The following PHKA2 variants were observed in gnomAD, a reference collection of about 807,000 sequenced individuals.
The protein encoded by PHKA2 is phosphorylase b kinase regulatory subunit alpha, liver isoform.
A neutral mutation model predicts 102.0 loss-of-function variants in PHKA2; 31 were observed. The observed-to-expected ratio is 0.30, with a 90% CI of 0.23 to 0.41. PHKA2 has a LOEUF of 0.41. Ranked by LOEUF, PHKA2 falls within the 10% of genes least tolerant of loss-of-function variation. The probability of loss-of-function intolerance (pLI) is 1.00; values close to 1 mark genes in which losing one functional copy is unlikely to be tolerated. For missense variants in PHKA2, 858 were observed against 1,023.1 expected (o/e 0.84, Z 2.20); for synonymous variants, 455 against 416.2 (o/e 1.09, Z -1.13).
chrX:18,979,233 C>A (rs1428989640), intron 1 of PHKA2, among the ~76,000 whole-genome samples: 2 of 112,157 alleles, frequency 1.8e-5, no homozygotes, highest in Admixed American at 1.9e-4. Context: ...TTAATTATAT[C>A]TTTTTTAACT....
rs760202357 is a variant in PHKA2 at position 18,897,149 on chromosome X, G to A, written c.3282+14C>T. ...GGACGGTTCACTTCCCCAGGAGCTC[G>A]CGTCTCGGCTTACCTTCTGGAGGAT... On this transcript the variant is annotated intron_variant, in intron 30 of 32. Transcript: ENST00000379942. 29 of 1,208,121 alleles carry A rather than the reference G, an allele frequency of 2.4e-5. No individual in the cohort carries two copies. Among genetic ancestry groups the A allele is most frequent in the East Asian group, 1.2e-4 (4 of 33,706 alleles).
chrX:18,923,023 G>A (rs1025557390), intron 17 of PHKA2, among the ~76,000 whole-genome samples: 3 of 107,019 alleles, frequency 2.8e-5, no homozygotes, highest in African/African-American at 1.0e-4. Flanking sequence ...CTACACCAGG[G>A]CTGAGCTACA....
chrX:18,969,039 G>A (rs768045463), intron 1 of PHKA2, among the ~76,000 whole-genome samples: 19 of 110,623 alleles, frequency 1.7e-4, no homozygotes, highest in Non-Finnish European at 3.0e-4. Context: ...GCTTGAACCC[G>A]GGGGCAGAGG....
intron 19 of PHKA2, among the ~76,000 whole-genome samples, chrX:18,912,993 G>A (rs761859944): frequency 4.6e-5 from 5 of 109,374 alleles, no homozygotes; most frequent in African/African-American, 1.0e-4. Context: ...CAGAAGGATC[G>A]CTTGAGCTCA....
At chrX:18,896,857 A>ATCACAG (rs2047567552) in intron 30 of PHKA2, among the ~76,000 whole-genome samples, 7 of 111,821 alleles carry the variant, frequency 6.3e-5, no homozygotes, top group African/African-American at 1.6e-4. Flanking sequence ...GTGGTTCTCA[A>ATCACAG]CTGGGTTGAT....
Position 18,907,989 on chromosome X carries a change from G to C in PHKA2, c.2428C>G (p.Leu810Val). Residue 810 changes from leucine to valine, a missense_variant, in exon 22 of 33, where the codon CTC becomes GTC. Around this residue, in one of 2 missense-constraint regions of PHKA2, gnomAD observed 671 missense variants for 745.2 expected, o/e 0.90. Coordinates refer to ENST00000379942, the MANE Select transcript of PHKA2 (RefSeq NM_000292.3). Reference sequence around the variant, plus strand: ...TGGTTCAAGCCGGCTTTCCCATAGAGCTCACCAAGAAGGTTTTGAACGGTG... The same window carrying C: ...TGGTTCAAGCCGGCTTTCCCATAGACCTCACCAAGAAGGTTTTGAACGGTG... ...GVTVQNLLGE[L>V]YGKAGLNQEW... The C allele has an allele frequency of 1.7e-6, 2 of 1,210,666 alleles. No individual in the cohort carries two copies. Among genetic ancestry groups the C allele is most frequent in the Non-Finnish European group, 2.2e-6 (2 of 894,357 alleles).
At chrX:18,954,786 T>G (rs1342696680) in intron 1 of PHKA2, among the ~76,000 whole-genome samples, 1 of 112,592 alleles carries the variant, frequency 8.9e-6, no homozygotes, top group Non-Finnish European at 1.9e-5. Flanking sequence ...TTCTTCAGTC[T>G]TCATGTGTCC....
chrX:18,973,471 CATG>C (rs2049044465), intron 1 of PHKA2, among the ~76,000 whole-genome samples: 1 of 111,648 alleles, frequency 9.0e-6, no homozygotes, highest in Non-Finnish European at 1.9e-5. Context: ...CACACCTGAT[CATG>C]ATGTTTTTTA....
intron 1 of PHKA2, among the ~76,000 whole-genome samples, chrX:18,977,538 A>G (rs975152124): frequency 3.5e-4 from 39 of 111,553 alleles, no homozygotes; most frequent in Non-Finnish European, 5.5e-4. Context: ...CTTCTCCTAT[A>G]GTTAGGTCAA....
At chrX:18,899,083 G>A (rs934384417) in intron 29 of PHKA2, 90 bp downstream of exon 29, 51 of 786,560 alleles carry the variant, frequency 6.5e-5, no homozygotes, top group Non-Finnish European at 8.8e-5. Flanking sequence ...AGCCCTGCTC[G>A]AATCCTCAGA....
chrX:18,899,100 G>T, intron 29 of PHKA2, 73 bp downstream of exon 29: 1 of 885,955 alleles, frequency 1.1e-6, no homozygotes, highest in Non-Finnish European at 1.7e-6. Context: ...CAGAAGTTGG[G>T]CATGAGGTGG....
At chrX:18,901,376 C>T in intron 27 of PHKA2, 109 bp downstream of exon 27, 1 of 569,897 alleles carries the variant, frequency 1.8e-6, no homozygotes, top group Non-Finnish European at 3.2e-6. Flanking sequence ...ACCTCCCACT[C>T]TACAGACAGT....
intron 12 of PHKA2, among the ~76,000 whole-genome samples, chrX:18,931,172 A>G (rs2048308687): frequency 1.8e-5 from 2 of 112,500 alleles, no homozygotes; most frequent in South Asian, 7.4e-4. Context: ...CCGGGGCAAC[A>G]CCTGACACAA....
intron 1 of PHKA2, among the ~76,000 whole-genome samples, chrX:18,970,573 T>C (rs1157694745): frequency 8.9e-6 from 1 of 112,376 alleles, no homozygotes; most frequent in Non-Finnish European, 1.9e-5. Context: ...TTGTTTCTAA[T>C]TTTCCTCTTT....
intron 1 of PHKA2, among the ~76,000 whole-genome samples, chrX:18,982,789 G>T (rs755807840): frequency 8.9e-6 from 1 of 111,830 alleles, no homozygotes; most frequent in Non-Finnish European, 1.9e-5. Context: ...AGCCGAGATC[G>T]CGCCACTGCA....
At chrX:18,939,105 G>C (rs1324668887) in intron 9 of PHKA2, among the ~76,000 whole-genome samples, 1 of 112,432 alleles carries the variant, frequency 8.9e-6, no homozygotes, top group Middle Eastern at 4.2e-3. Flanking sequence ...CGGTCTTTAA[G>C]AAAAATGTGT....
chrX:18,907,569 G>A (rs1287982347), intron 22 of PHKA2, among the ~76,000 whole-genome samples: 10 of 112,048 alleles, frequency 8.9e-5, no homozygotes, highest in African/African-American at 2.9e-4. Flanking sequence ...GCCTGGCCTT[G>A]GGGTTATAAA....
At chrX:18,941,489 T>C in intron 8 of PHKA2, 40 bp downstream of exon 8, 2 of 1,172,381 alleles carry the variant, frequency 1.7e-6, no homozygotes, top group Non-Finnish European at 2.3e-6. Context: ...TCCATGCACA[T>C]CACACAGGAC....
At chrX:18,941,121 A>G (rs2048483116) in intron 8 of PHKA2, among the ~76,000 whole-genome samples, 1 of 112,320 alleles carries the variant, frequency 8.9e-6, no homozygotes, top group African/African-American at 3.2e-5. Flanking sequence ...TTTCACCTCA[A>G]AACAGGGATT....
Sources: allele counts gnomAD v4.1 joint callset (sites outside exome capture counted in the v4.1 genomes callset), GRCh38; gene constraint gnomAD v4.1.1; regional missense constraint gnomAD v4.1.1; transcripts MANE v1.5; gene names NCBI Gene and HGNC (gene_info 2026-07-23, HGNC 2026-07-21).